ADGRL3: variants seen among roughly 807,000 people sequenced by gnomAD.
ADGRL3 encodes adhesion G protein-coupled receptor L3, also known as calcium-independent alpha-latrotoxin receptor 3.
In ADGRL3, 62 loss-of-function variants were observed where a neutral mutation model predicts 153.5. The ratio of observed to expected loss-of-function variants is 0.40; its 90% CI spans 0.33 to 0.50. The LOEUF (loss-of-function observed/expected upper bound fraction) is 0.50, where lower values mean the gene tolerates loss of function less well. Ranked by LOEUF, ADGRL3 falls within the 20% of genes least tolerant of loss-of-function variation. The pLI is 0.47. For missense variants in ADGRL3, 1,641 were observed against 1,859.4 expected, an observed-to-expected ratio of 0.88 and a Z score of 2.16; for synonymous variants, 710 against 672.5, an observed-to-expected ratio of 1.06 and a Z score of -0.86.
chr4:62,053,841 T>G (rs1735564481), intron 25 of ADGRL3, among the ~76,000 whole-genome samples: 1 of 151,592 alleles, frequency 6.6e-6, no homozygotes, highest in Non-Finnish European at 1.5e-5. Flanking sequence ...TTATATAATT[T>G]GCACAATATT....
chr4:61,969,963 T>G (rs2099020989), intron 17 of ADGRL3, among the ~76,000 whole-genome samples: 1 of 152,166 alleles, frequency 6.6e-6, no homozygotes, highest in Non-Finnish European at 1.5e-5. Context: ...TTTTATGTCT[T>G]GGAGAAGGGT....
intron 1 of ADGRL3, among the ~76,000 whole-genome samples, chr4:61,358,514 G>A (rs1177181673): frequency 2.1e-5 from 3 of 144,298 alleles, no homozygotes; most frequent in Admixed American, 1.5e-4. Flanking sequence ...GGAGAATGGC[G>A]TGAACTCGGG....
At chr4:61,838,645 A>G (rs528699858) in intron 9 of ADGRL3, among the ~76,000 whole-genome samples, 4 of 152,312 alleles carry the variant, frequency 2.6e-5, no homozygotes, top group African/African-American at 9.6e-5. Flanking sequence ...TTGAAGAATA[A>G]CCAACTCTAT....
At chr4:61,847,093 C>A (rs934702262) in intron 9 of ADGRL3, among the ~76,000 whole-genome samples, 1 of 151,550 alleles carries the variant, frequency 6.6e-6, no homozygotes, top group African/African-American at 2.4e-5. Flanking sequence ...TGGATGGGGA[C>A]AAATATCCAA....
intron 25 of ADGRL3, among the ~76,000 whole-genome samples, chr4:62,061,968 G>A (rs890014425): frequency 1.3e-5 from 2 of 151,958 alleles, no homozygotes; most frequent in Non-Finnish European, 2.9e-5. Flanking sequence ...ATTTCTCTGG[G>A]ATAAATGTTC....
At chr4:62,006,143 T>A (rs894360941) in intron 21 of ADGRL3, among the ~76,000 whole-genome samples, 4 of 150,600 alleles carry the variant, frequency 2.7e-5, no homozygotes, top group African/African-American at 9.8e-5. Flanking sequence ...TAAGGGATTC[T>A]CCTGCCTCAG....
intron 6 of ADGRL3, among the ~76,000 whole-genome samples, chr4:61,708,849 G>T (rs1350297055): frequency 6.6e-6 from 1 of 151,732 alleles, no homozygotes; most frequent in African/African-American, 2.4e-5. Context: ...TCACTCTGTT[G>T]CCCAGGCTGG....
chr4:62,069,525 CAT>C (rs1003338083), intron 26 of ADGRL3, among the ~76,000 whole-genome samples: 1 of 151,880 alleles, frequency 6.6e-6, no homozygotes, highest in Non-Finnish European at 1.5e-5. Context: ...AGAAATTTAA[CAT>C]AATCCTTTTG....
intron 2 of ADGRL3, among the ~76,000 whole-genome samples, chr4:61,400,777 G>C (rs2096920395): frequency 1.6e-5 from 2 of 127,366 alleles, no homozygotes; most frequent in Non-Finnish European, 3.3e-5. Flanking sequence ...AAGTAAACCA[G>C]AAGTGAAACA....
At chr4:61,780,086 A>G (rs2097197195) in intron 8 of ADGRL3, among the ~76,000 whole-genome samples, 1 of 152,204 alleles carries the variant, frequency 6.6e-6, no homozygotes, top group Non-Finnish European at 1.5e-5. Context: ...GTATTAATCT[A>G]TTAAGAAGCT....
intron 11 of ADGRL3, among the ~76,000 whole-genome samples, chr4:61,901,325 A>AT (rs2098663288): frequency 6.6e-6 from 1 of 152,202 alleles, no homozygotes; most frequent in Non-Finnish European, 1.5e-5. Context: ...TCTAGAAATA[A>AT]TGTTGCCATT....
chr4:61,852,150 A>T (rs1270875463), intron 9 of ADGRL3, among the ~76,000 whole-genome samples: 1 of 152,106 alleles, frequency 6.6e-6, no homozygotes, highest in Non-Finnish European at 1.5e-5. Flanking sequence ...TTAAAAGATA[A>T]AAAAGGAAGG....
chr4:61,574,018 A>C (rs2098850403), intron 4 of ADGRL3, among the ~76,000 whole-genome samples: 1 of 151,974 alleles, frequency 6.6e-6, no homozygotes, highest in Admixed American at 6.6e-5. Flanking sequence ...TTTATTTTTA[A>C]AATTGTTTGA....
chr4:61,291,216 A>G (rs868764100), intron 1 of ADGRL3, among the ~76,000 whole-genome samples: 3 of 146,610 alleles, frequency 2.0e-5, no homozygotes, highest in Non-Finnish European at 4.5e-5. Flanking sequence ...ACACACACAC[A>G]CGCACACACA....
rs369310880 is a variant in ADGRL3, at chr4:61,763,789, T to C, written c.1399+30235T>C. Among the ~76,000 whole-genome samples, 9 of 152,248 alleles carry C rather than the reference T, an allele frequency of 5.9e-5. No individual in the cohort carries two copies. The East Asian group carries it at 1.5e-3, about 26-fold the overall frequency. ...TTTAGCATAATTCTAAGGTTGAAAGTTACTATAAATATTTTTTAGAAACTG... is the reference window on the plus strand; with the variant it reads ...TTTAGCATAATTCTAAGGTTGAAAGCTACTATAAATATTTTTTAGAAACTG... On this transcript the variant is annotated intron_variant, in intron 8 of 26. Transcript: ENST00000683033.
chr4:61,285,173 C>T (rs1407699924), intron 1 of ADGRL3, among the ~76,000 whole-genome samples: 1 of 151,744 alleles, frequency 6.6e-6, no homozygotes, highest in Non-Finnish European at 1.5e-5. Flanking sequence ...TAAAAAATAT[C>T]GTATCACTGG....
chr4:61,957,267 T>C (rs1434687067), intron 17 of ADGRL3, among the ~76,000 whole-genome samples: 2 of 152,084 alleles, frequency 1.3e-5, no homozygotes, highest in Non-Finnish European at 2.9e-5. Context: ...TTGTTAGCTA[T>C]TTCCTAGGTA....
intron 1 of ADGRL3, among the ~76,000 whole-genome samples, chr4:61,270,885 G>T (rs767820863): frequency 6.6e-6 from 1 of 151,578 alleles, no homozygotes; most frequent in Non-Finnish European, 1.5e-5. Flanking sequence ...AAATAGAAAA[G>T]GGTAATATTC....
chr4:61,546,033 T>G, intron 4 of ADGRL3, among the ~76,000 whole-genome samples: 1 of 152,228 alleles, frequency 6.6e-6, no homozygotes, highest in East Asian at 1.9e-4. Context: ...ATCCTCATTC[T>G]TGTCTAAGCC....
Sources: allele counts gnomAD v4.1 joint callset (sites outside exome capture counted in the v4.1 genomes callset), GRCh38; gene constraint gnomAD v4.1.1; transcripts MANE v1.5; gene names NCBI Gene and HGNC (gene_info 2026-07-23, HGNC 2026-07-21).